CEP128: variants seen among roughly 807,000 people sequenced by gnomAD.
CEP128 encodes the protein centrosomal protein 128, also known as centrosomal protein 128kDa.
CEP128 carries 132 observed loss-of-function variants against 156.7 expected under a neutral mutation model. The observed-to-expected ratio is 0.84, with a 90% CI of 0.73 to 0.97. The LOEUF (loss-of-function observed/expected upper bound fraction) is 0.97, where lower values mean the gene tolerates loss of function less well. Ranked by LOEUF, CEP128 falls within the 50% of genes least tolerant of loss-of-function variation. CEP128 has a pLI of 0.00. For synonymous variants in CEP128, 469 were observed against 448.9 expected (o/e 1.04, Z -0.57); for missense variants, 1,252 against 1,281.9 (o/e 0.98, Z 0.36).
chr14:80,938,368 TCCCAA>T (rs1375725230), intron 2 of CEP128, among the ~76,000 whole-genome samples: 1 of 150,662 alleles, frequency 6.6e-6, no homozygotes, highest in African/African-American at 2.4e-5. Context: ...TGCCTCAGCC[TCCCAA>T]GTAGCTGGGA....
At chr14:80,545,398 C>T (rs907580442) in intron 21 of CEP128, among the ~76,000 whole-genome samples, 1 of 152,202 alleles carries the variant, frequency 6.6e-6, no homozygotes, top group African/African-American at 2.4e-5. Flanking sequence ...CCAGCAATTA[C>T]ACTGATTTAC....
chr14:80,921,690 G>A (rs902174667), intron 2 of CEP128, among the ~76,000 whole-genome samples: 3 of 152,010 alleles, frequency 2.0e-5, no homozygotes, highest in Non-Finnish European at 4.4e-5. Flanking sequence ...CCGGCCGGGC[G>A]CAGTGGCTCA....
intron 19 of CEP128, among the ~76,000 whole-genome samples, chr14:80,691,516 G>A (rs573687398): frequency 3.3e-5 from 5 of 152,306 alleles, no homozygotes; most frequent in South Asian, 2.1e-4. Flanking sequence ...GGGGCTGACT[G>A]TTAGGCAGGG....
At chr14:80,517,103 C>T (rs1888524400) in intron 23 of CEP128, among the ~76,000 whole-genome samples, 1 of 151,838 alleles carries the variant, frequency 6.6e-6, no homozygotes, top group Non-Finnish European at 1.5e-5. Context: ...TCTTTCATTC[C>T]TAATATTGGC....
chr14:80,598,131 T>C (rs529777033), intron 19 of CEP128, among the ~76,000 whole-genome samples: 1 of 151,650 alleles, frequency 6.6e-6, no homozygotes, highest in East Asian at 1.9e-4. Context: ...GGCATAGAGA[T>C]TGGAAGCAAA....
At chr14:80,837,153 A>G (rs1458992) in intron 11 of CEP128, among the ~76,000 whole-genome samples, 18,549 of 152,272 alleles carry the variant, frequency 0.12, 1,593 homozygotes, top group East Asian at 0.45. Flanking sequence ...TTCAGCACCA[A>G]TTGTCAGAAT....
At chr14:80,826,379 GA>G (rs1247852598) in intron 13 of CEP128, among the ~76,000 whole-genome samples, 5 of 152,092 alleles carry the variant, frequency 3.3e-5, no homozygotes. Flanking sequence ...AGATAAGGAA[GA>G]AATTAAGATT....
intron 20 of CEP128, among the ~76,000 whole-genome samples, chr14:80,577,522 A>G (rs1891410948): frequency 6.6e-6 from 1 of 152,112 alleles, no homozygotes. Context: ...TCAAAGTTCC[A>G]TGGACTTTAT....
At chr14:80,699,046 A>G (rs1284962113) in intron 19 of CEP128, among the ~76,000 whole-genome samples, 1 of 152,166 alleles carries the variant, frequency 6.6e-6, no homozygotes, top group Non-Finnish European at 1.5e-5. Context: ...AGGGAGAGAA[A>G]TAATGTCAGA....
At chr14:80,653,969 T>A (rs1895023448) in intron 19 of CEP128, among the ~76,000 whole-genome samples, 2 of 152,112 alleles carry the variant, frequency 1.3e-5, no homozygotes, top group South Asian at 4.1e-4. Flanking sequence ...TGTGTGTGTA[T>A]CCATTGCTAC....
chr14:80,636,877 G>A (rs755492199), intron 19 of CEP128, among the ~76,000 whole-genome samples: 8 of 151,878 alleles, frequency 5.3e-5, no homozygotes, highest in South Asian at 2.1e-4. Context: ...ACCTGAGGTC[G>A]GGAGTTCGAG....
At chr14:80,651,840 T>G (rs1894917224) in intron 19 of CEP128, among the ~76,000 whole-genome samples, 1 of 152,126 alleles carries the variant, frequency 6.6e-6, no homozygotes, top group African/African-American at 2.4e-5. Context: ...CTTCCAATTA[T>G]GTGGTCAGTT....
chr14:80,628,189 G>C (rs148749214), intron 19 of CEP128, among the ~76,000 whole-genome samples: 3 of 152,316 alleles, frequency 2.0e-5, no homozygotes. Context: ...ACATGTGCTT[G>C]AAGTTTTATT....
Position 80,742,822 on chromosome 14 carries a change from G to A in CEP128, c.2806+253C>T, listed in dbSNP as rs902073449. ...TCAGCATTTTACTAAGACAGAAGCA[G>A]TATGTCTTATCAATTAATTCCTGCA... On this transcript the variant is annotated intron_variant, in intron 19 of 24. Coordinates refer to ENST00000555265, the MANE Select transcript of CEP128 (RefSeq NM_152446.5). 7 of 441,394 alleles carry A rather than the reference G, an allele frequency of 1.6e-5. No individual in the cohort carries two copies. The Admixed American group carries it at 1.6e-4, about 10-fold the overall frequency. The allele number at this position is 441,394 out of a possible 1,614,324, so 27.3% of individuals were successfully genotyped here.
At chr14:80,946,115 T>C (rs1026282592), upstream of CEP128, among the ~76,000 whole-genome samples, 6 of 152,104 alleles carry the variant, frequency 3.9e-5, no homozygotes, top group Non-Finnish European at 8.8e-5. Flanking sequence ...GTAGAGGTGT[T>C]TGGGGGATAA....
intron 8 of CEP128, among the ~76,000 whole-genome samples, chr14:80,873,546 C>T: frequency 6.6e-6 from 1 of 152,288 alleles, no homozygotes; most frequent in African/African-American, 2.4e-5. Context: ...ACCATCCTAA[C>T]TATCTAATAG....
chr14:80,630,248 T>C (rs959727307), intron 19 of CEP128, among the ~76,000 whole-genome samples: 4 of 151,966 alleles, frequency 2.6e-5, no homozygotes, highest in East Asian at 1.9e-4. Context: ...AGAAAAGTAA[T>C]GAATGAAAAT....
rs1273447347 is a variant in CEP128 at position 80,785,293 on chromosome 14, T to G, written c.1813A>C (p.Met605Leu). The G allele has an allele frequency of 6.2e-7, 1 of 1,614,210 alleles. No individual in the cohort carries two copies. Among genetic ancestry groups the G allele is most frequent in the Non-Finnish European group, 8.5e-7 (1 of 1,180,022 alleles). The change falls in exon 15 of 25, where the codon ATG becomes CTG. Residue 605 changes from methionine (M) to leucine (L), a missense_variant. Met to Leu is a conservative substitution (Grantham distance 15). Coordinates refer to ENST00000555265, the MANE Select transcript of CEP128 (RefSeq NM_152446.5). Reference protein sequence around the residue: ...LKKQSKIQSQMKVEKAHLEEE... With the variant: ...LKKQSKIQSQLKVEKAHLEEE... ...TCCAAGTGAGCTTTCTCAACTTTCA[T>G]CTGGCTTTGGATCTTACTCTGCTTT...
intron 20 of CEP128, among the ~76,000 whole-genome samples, chr14:80,564,620 T>C (rs191806021): frequency 5.4e-4 from 83 of 152,332 alleles, no homozygotes; most frequent in African/African-American, 2.0e-3. Flanking sequence ...TGTTCACTCC[T>C]GGGTGTAGGC....
Sources: gnomAD v4.1 joint callset for allele counts (sites outside exome capture counted in the v4.1 genomes callset) on GRCh38, gnomAD v4.1.1 for gene constraint, MANE v1.5 for transcripts, NCBI Gene and HGNC (gene_info 2026-07-23, HGNC 2026-07-21) for gene names.